CCDC172: variants seen among roughly 807,000 people sequenced by gnomAD.
The protein encoded by CCDC172 is coiled-coil domain-containing protein 172.
CCDC172 carries 30 observed loss-of-function variants against 38.0 expected under a neutral mutation model. The ratio of observed to expected loss-of-function variants is 0.79; its 90% CI spans 0.59 to 1.07. The LOEUF (loss-of-function observed/expected upper bound fraction) is 1.07, where lower values mean the gene tolerates loss of function less well. Ranked by LOEUF, CCDC172 falls within the 50% of genes least tolerant of loss-of-function variation. The pLI is 0.00. For missense variants in CCDC172, 297 were observed against 290.1 expected (o/e 1.02, Z -0.17); for synonymous variants, 78 against 88.3 (o/e 0.88, Z 0.66).
chr10:116,328,101 T>C (rs1156402698), intron 3 of CCDC172, among the ~76,000 whole-genome samples: 2 of 152,122 alleles, frequency 1.3e-5, no homozygotes, highest in Non-Finnish European at 2.9e-5. Context: ...GGTCAATAAA[T>C]GTATTTGGGA....
intron 5 of CCDC172, among the ~76,000 whole-genome samples, chr10:116,344,511 G>A (rs1844839783): frequency 6.6e-6 from 1 of 152,062 alleles, no homozygotes; most frequent in African/African-American, 2.4e-5. Flanking sequence ...ACCTTTATAG[G>A]GTATTTACCA....
chr10:116,376,704 G>C (rs1404835545), intron 7 of CCDC172, among the ~76,000 whole-genome samples: 1 of 151,974 alleles, frequency 6.6e-6, no homozygotes, highest in Non-Finnish European at 1.5e-5. Context: ...TTGCTTTAAA[G>C]GGACCAGAAT....
chr10:116,365,835 C>A (rs914227521), intron 7 of CCDC172, among the ~76,000 whole-genome samples: 1 of 152,084 alleles, frequency 6.6e-6, no homozygotes, highest in African/African-American at 2.4e-5. Context: ...CACATACTTA[C>A]CATTGTGTTT....
intron 5 of CCDC172, among the ~76,000 whole-genome samples, chr10:116,354,965 A>G (rs759410096): frequency 3.0e-4 from 46 of 152,212 alleles, no homozygotes; most frequent in Non-Finnish European, 5.9e-4. Flanking sequence ...ACTGTACTGT[A>G]TATTTGTTTT....
Position 116,379,435 on chromosome 10 carries a change from T to C in CCDC172, c.*77T>C. On this transcript the variant is annotated 3_prime_UTR_variant, in exon 9 of 9. Coordinates refer to ENST00000333254, the MANE Select transcript of CCDC172 (RefSeq NM_198515.3). ...CAAATCTTTGTGATAGATATATGAA[T>C]GGTACCCGTTACAACGGATCCTTGT... is the stretch of plus-strand genomic sequence containing the variant. 4.3e-6 allele frequency: 4 copies of C among 936,634 alleles called. No individual in the cohort carries two copies. The highest frequency in any genetic ancestry group is 6.5e-6 in the Non-Finnish European group (4 of 613,002). 58.0% of individuals were successfully genotyped at this position (936,634 alleles called of 1,614,324 possible).
intron 5 of CCDC172, among the ~76,000 whole-genome samples, chr10:116,349,757 GA>G (rs1451474067): frequency 1.3e-5 from 2 of 152,002 alleles, no homozygotes; most frequent in Non-Finnish European, 1.5e-5. Flanking sequence ...AAGAAAAGAA[GA>G]AAAAAATCCC....
At chr10:116,357,067 G>T (rs1182490417) in intron 5 of CCDC172, among the ~76,000 whole-genome samples, 1 of 152,010 alleles carries the variant, frequency 6.6e-6, no homozygotes, top group Non-Finnish European at 1.5e-5. Context: ...GCTTAAAATA[G>T]ATTTTTTGCA....
At chr10:116,361,864 G>A (rs1845069033) in intron 7 of CCDC172, among the ~76,000 whole-genome samples, 1 of 152,068 alleles carries the variant, frequency 6.6e-6, no homozygotes, top group African/African-American at 2.4e-5. Context: ...AAATAAATAT[G>A]TATATTTTCA....
intron 7 of CCDC172, among the ~76,000 whole-genome samples, chr10:116,371,283 C>T (rs1368723173): frequency 1.3e-5 from 2 of 151,790 alleles, no homozygotes; most frequent in African/African-American, 4.8e-5. Context: ...AACACCCTTT[C>T]AGCACCTCTG....
At chr10:116,354,581 G>A (rs1044538715) in intron 5 of CCDC172, among the ~76,000 whole-genome samples, 3 of 151,894 alleles carry the variant, frequency 2.0e-5, no homozygotes, top group African/African-American at 4.8e-5. Flanking sequence ...AAAATTAGCC[G>A]GGCATGGTGG....
rs1845284135 is a variant in CCDC172 at position 116,379,269 on chromosome 10, A to C, written c.742-54A>C. 6.8e-6 allele frequency: 7 copies of C among 1,035,254 alleles called. No homozygotes were observed. In the South Asian group the frequency reaches 1.3e-4, roughly 19 times the overall value. The allele number at this position is 1,035,254 out of a possible 1,614,324, so 64.1% of individuals were successfully genotyped here. ...AAATTTAGGTACATTTTATGTAATT[A>C]TTTTATTAAGAATTTACTTTTCCTC... On this transcript the variant is annotated intron_variant, in intron 8 of 8. Transcript: ENST00000333254.
At chr10:116,344,228 A>T (rs1054981189) in intron 5 of CCDC172, among the ~76,000 whole-genome samples, 1 of 152,210 alleles carries the variant, frequency 6.6e-6, no homozygotes, top group Non-Finnish European at 1.5e-5. Context: ...AATAATGGGG[A>T]TATGTTCTGA....
chr10:116,367,893 T>C (rs1845143013), intron 7 of CCDC172, among the ~76,000 whole-genome samples: 1 of 152,156 alleles, frequency 6.6e-6, no homozygotes, highest in Non-Finnish European at 1.5e-5. Context: ...AATTATGTTT[T>C]CTTCTAAGCT....
intron 7 of CCDC172, among the ~76,000 whole-genome samples, chr10:116,376,983 C>T (rs1364440645): frequency 1.3e-5 from 2 of 151,792 alleles, no homozygotes; most frequent in South Asian, 2.1e-4. Context: ...TAGTCTAGTT[C>T]CTTAAAGTCT....
In CCDC172 at chr10:116,378,497, A is replaced by G; in HGVS notation, c.728A>G (p.Glu243Gly). Residue 243 changes from glutamate (E) to glycine (G), a missense_variant, in exon 8 of 9, where the codon GAA becomes GGA. Coordinates refer to ENST00000333254, the MANE Select transcript of CCDC172 (RefSeq NM_198515.3). ...SVYEALQTEI[E>G]FLELTLAQKD... Reference sequence around the variant, plus strand: ...TATGAAGCTCTCCAAACAGAAATAGAATTTTTGGAGTTGGTAAGTTATCAT... The same window carrying G: ...TATGAAGCTCTCCAAACAGAAATAGGATTTTTGGAGTTGGTAAGTTATCAT... 1 of 1,604,502 alleles carries G rather than the reference A, an allele frequency of 6.2e-7. No homozygotes were observed. The highest frequency in any genetic ancestry group is 8.5e-7 in the Non-Finnish European group (1 of 1,175,902).
chr10:116,332,392 T>TA (rs1161177206), intron 3 of CCDC172, among the ~76,000 whole-genome samples: 1 of 152,188 alleles, frequency 6.6e-6, no homozygotes, highest in African/African-American at 2.4e-5. Flanking sequence ...TTGTCATTCT[T>TA]GAGTTCTTAT....
At chr10:116,346,061 G>A (rs1301760499) in intron 5 of CCDC172, among the ~76,000 whole-genome samples, 1 of 151,986 alleles carries the variant, frequency 6.6e-6, no homozygotes. Flanking sequence ...TTCGGAGGCC[G>A]AGGTGGGCGG....
At chr10:116,377,521 T>C (rs1159092380) in intron 7 of CCDC172, among the ~76,000 whole-genome samples, 1 of 152,204 alleles carries the variant, frequency 6.6e-6, no homozygotes. Context: ...CCAATGCACG[T>C]TAATAAAATG....
intron 7 of CCDC172, among the ~76,000 whole-genome samples, chr10:116,367,163 A>G (rs1283216876): frequency 6.6e-6 from 1 of 152,120 alleles, no homozygotes; most frequent in Non-Finnish European, 1.5e-5. Context: ...GCTGTGGTTG[A>G]AATTTTTAAT....
Sources: allele counts gnomAD v4.1 joint callset (sites outside exome capture counted in the v4.1 genomes callset), GRCh38; gene constraint gnomAD v4.1.1; transcripts MANE v1.5; gene names NCBI Gene and HGNC (gene_info 2026-07-23, HGNC 2026-07-21).